Variants in C8orf34 observed in about 807,000 individuals in gnomAD.
C8orf34 encodes chromosome 8 open reading frame 34.
In C8orf34, 65 loss-of-function variants were observed where a neutral mutation model predicts 68.3. The ratio of observed to expected loss-of-function variants is 0.95; its 90% CI spans 0.78 to 1.17. The LOEUF is 1.17. Ranked by LOEUF, C8orf34 falls within the 50% of genes most tolerant of loss-of-function variation. C8orf34 has a pLI of 0.00. For synonymous variants in C8orf34, 244 were observed against 241.2 expected, an observed-to-expected ratio of 1.01 and a Z score of -0.11; for missense variants, 664 against 655.4, an observed-to-expected ratio of 1.01 and a Z score of -0.14.
chr8:68,640,261 G>T, intron 7 of C8orf34, 115 bp from the exon 8 acceptor site: 3 of 873,612 alleles, frequency 3.4e-6, no homozygotes, highest in Non-Finnish European at 5.2e-6. Context: ...TTTTGCAAAG[G>T]GGATATATAT....
intron 12 of C8orf34, among the ~76,000 whole-genome samples, chr8:68,797,897 G>T (rs560729783): frequency 2.6e-5 from 4 of 152,142 alleles, no homozygotes; most frequent in Non-Finnish European, 4.4e-5. Context: ...TGCTTTGTTA[G>T]TATTTAAAGG....
At chr8:68,615,965 A>C (rs888025697) in intron 7 of C8orf34, among the ~76,000 whole-genome samples, 8 of 151,002 alleles carry the variant, frequency 5.3e-5, no homozygotes, top group Admixed American at 4.0e-4. Flanking sequence ...CCACAATTTC[A>C]GAGCCTGTTA....
At chr8:68,381,108 C>T (rs1248710479) in intron 1 of C8orf34, among the ~76,000 whole-genome samples, 1 of 152,114 alleles carries the variant, frequency 6.6e-6, no homozygotes, top group Non-Finnish European at 1.5e-5. Context: ...AGGAATACTT[C>T]AGTGTTCAGT....
At chr8:68,533,294 CA>C in intron 7 of C8orf34, 145 bp downstream of exon 7, 1 of 1,379,566 alleles carries the variant, frequency 7.2e-7, no homozygotes, top group South Asian at 1.8e-5. Context: ...ACATTAGACT[CA>C]CATAAAGTTG....
At chr8:68,568,161 CCACACATCACTGAT>C (rs2130238634) in intron 7 of C8orf34, among the ~76,000 whole-genome samples, 1 of 152,118 alleles carries the variant, frequency 6.6e-6, no homozygotes, top group East Asian at 1.9e-4. Flanking sequence ...AATAGGAACA[CCACACATCACTGAT>C]CACACATCAC....
intron 10 of C8orf34, among the ~76,000 whole-genome samples, chr8:68,753,800 A>T (rs1822771858): frequency 6.6e-6 from 1 of 152,192 alleles, no homozygotes; most frequent in South Asian, 2.1e-4. Context: ...GAGAATTCTG[A>T]TGTGTGAATA....
At chr8:68,496,302 TATACTC>T (rs1280008318) in intron 5 of C8orf34, among the ~76,000 whole-genome samples, 8 of 152,310 alleles carry the variant, frequency 5.3e-5, no homozygotes, top group Middle Eastern at 3.4e-3. Flanking sequence ...CATTCTCACT[TATACTC>T]ATAACAACCC....
chr8:68,463,907 C>G (rs1267979677), intron 3 of C8orf34, among the ~76,000 whole-genome samples: 1 of 152,146 alleles, frequency 6.6e-6, no homozygotes, highest in African/African-American at 2.4e-5. Flanking sequence ...TCTTTCACTA[C>G]TCCTATTCAA....
chr8:68,545,155 T>C (rs563172181), intron 7 of C8orf34, among the ~76,000 whole-genome samples: 4 of 152,084 alleles, frequency 2.6e-5, no homozygotes, highest in Admixed American at 1.3e-4. Context: ...AGGGACCCAG[T>C]GGGAGATAAT....
intron 8 of C8orf34, among the ~76,000 whole-genome samples, chr8:68,682,170 C>T (rs933531167): frequency 6.6e-6 from 1 of 151,982 alleles, no homozygotes; most frequent in African/African-American, 2.4e-5. Flanking sequence ...TGTAGTACAA[C>T]AATGATTTGT....
chr8:68,462,784 T>A (rs1811905281), intron 3 of C8orf34, among the ~76,000 whole-genome samples: 1 of 151,484 alleles, frequency 6.6e-6, no homozygotes, highest in East Asian at 1.9e-4. Context: ...TGGGACACAT[T>A]CAAAGCAGTG....
At chr8:68,650,625 G>A (rs1011698480) in intron 8 of C8orf34, among the ~76,000 whole-genome samples, 3 of 151,626 alleles carry the variant, frequency 2.0e-5, no homozygotes. Context: ...GACTACAGGC[G>A]CCCGCCACCA....
At chr8:68,428,324 G>T (rs1029546688) in intron 1 of C8orf34, among the ~76,000 whole-genome samples, 3 of 151,988 alleles carry the variant, frequency 2.0e-5, no homozygotes, top group African/African-American at 4.8e-5. Context: ...CTAAATGCAT[G>T]CTAATGGTAT....
intron 10 of C8orf34, among the ~76,000 whole-genome samples, chr8:68,769,404 A>AT (rs534388536): frequency 4.0e-5 from 6 of 150,596 alleles, no homozygotes; most frequent in African/African-American, 1.2e-4. Context: ...ATATTTTATT[A>AT]TTTTTTTTAA....
rs536133330 is a variant in C8orf34, at chr8:68,786,958, T to C, written c.1456-485T>C. 2.6e-5 allele frequency among the ~76,000 whole-genome samples: 4 copies of C among 152,054 alleles called. No individual in the cohort carries two copies. The South Asian group carries it at 8.3e-4, about 32-fold the overall frequency. ...CAGAAGGGAAAGAGCAGCAAGGAAG[T>C]ATATGAGAAATATGTTAACAAACTT... On this transcript the variant is annotated intron_variant, in intron 11 of 13. Coordinates refer to ENST00000518698, the MANE Select transcript of C8orf34 (RefSeq NM_052958.4).
At position 68,521,842 on chromosome 8, in the gene C8orf34, T is replaced by C. The variant is rs1241260277; in HGVS notation, c.809T>C (p.Ile270Thr). ...FNSSLLRPRV[I>T]GEWIGREEND... The stretch of plus-strand genomic sequence containing the variant: ...TCTTCTCTTCTGAGGCCCCGTGTGA[T>C]TGGAGAATGGATTGGTAGAGAAGAA... The change falls in exon 6 of 14, where the codon ATT becomes ACT. Residue 270 changes from isoleucine (I) to threonine (T), a missense_variant. Coordinates refer to ENST00000518698, the MANE Select transcript of C8orf34 (RefSeq NM_052958.4). The C allele has an allele frequency of 1.2e-6, 2 of 1,613,870 alleles. No homozygotes were observed. The highest frequency in any genetic ancestry group is 2.7e-5 in the African/African-American group (2 of 74,890).
At position 68,786,099 on chromosome 8, in the gene C8orf34, A is replaced by G. The variant is rs76947960; in HGVS notation, c.1456-1344A>G. On this transcript the variant is annotated intron_variant, in intron 11 of 13. Coordinates refer to ENST00000518698, the MANE Select transcript of C8orf34 (RefSeq NM_052958.4). ...GCACAATATCTCATATTGGAGAAAA[A>G]TATAATTGAAAGGGGGTAGAGATGA... 3.8e-3 allele frequency among the ~76,000 whole-genome samples: 578 copies of G among 152,322 alleles called. 7 individuals are homozygous for G. The highest frequency in any genetic ancestry group is 0.013 in the African/African-American group (547 of 41,564).
At chr8:68,759,952 A>G (rs1822976618) in intron 10 of C8orf34, among the ~76,000 whole-genome samples, 1 of 152,336 alleles carries the variant, frequency 6.6e-6, no homozygotes, top group East Asian at 1.9e-4. Context: ...CACTTACAGT[A>G]TGACAGGAAG....
chr8:68,481,336 G>A (rs898173874), intron 4 of C8orf34, among the ~76,000 whole-genome samples: 22 of 100,692 alleles, frequency 2.2e-4, no homozygotes, highest in South Asian at 9.8e-4. Flanking sequence ...CTTCCATGGC[G>A]GGGCCCTCAT....
Sources: allele counts gnomAD v4.1 joint callset (sites outside exome capture counted in the v4.1 genomes callset), GRCh38; gene constraint gnomAD v4.1.1; transcripts MANE v1.5; gene names NCBI Gene and HGNC (gene_info 2026-07-23, HGNC 2026-07-21).